SLC15A5: variants seen among roughly 807,000 people sequenced by gnomAD.
The protein encoded by SLC15A5 is Peptide/histidine transporter ENSP00000340402.
SLC15A5 carries 58 observed loss-of-function variants against 56.1 expected under a neutral mutation model. The ratio of observed to expected loss-of-function variants is 1.03; its 90% CI spans 0.84 to 1.29. The LOEUF (loss-of-function observed/expected upper bound fraction) is 1.29. Ranked by LOEUF, SLC15A5 falls within the 50% of genes most tolerant of loss-of-function variation. The pLI, the probability that SLC15A5 is intolerant of heterozygous loss-of-function variation, is 0.00. For missense variants in SLC15A5, 681 were observed against 672.1 expected (o/e 1.01, Z -0.15); for synonymous variants, 264 against 250.5 (o/e 1.05, Z -0.51).
At chr12:16,218,651 C>A (rs1366388827) in intron 6 of SLC15A5, among the ~76,000 whole-genome samples, 2 of 152,098 alleles carry the variant, frequency 1.3e-5, no homozygotes, top group Non-Finnish European at 2.9e-5. Context: ...TATCTAAACA[C>A]AGAAATAGTA....
intron 6 of SLC15A5, 43 bp downstream of exon 6, chr12:16,224,371 G>T: frequency 6.6e-7 from 1 of 1,516,762 alleles, no homozygotes. Context: ...TCTGTGTAAA[G>T]GTTCAGTATG....
intron 4 of SLC15A5, 63 bp downstream of exon 4, chr12:16,244,517 C>T: frequency 7.0e-7 from 1 of 1,426,958 alleles, no homozygotes; most frequent in Non-Finnish European, 9.5e-7. Context: ...TTCACCTTGA[C>T]TTGCACTGTT....
chr12:16,218,805 T>C (rs1395539733), intron 6 of SLC15A5, among the ~76,000 whole-genome samples: 1 of 152,188 alleles, frequency 6.6e-6, no homozygotes, highest in Non-Finnish European at 1.5e-5. Context: ...AGAGATCTTA[T>C]TATCTCTTCC....
chr12:16,272,087 T>G (rs1411908370), intron 2 of SLC15A5, among the ~76,000 whole-genome samples: 1 of 152,156 alleles, frequency 6.6e-6, no homozygotes, highest in East Asian at 1.9e-4. Flanking sequence ...ACAGCTACCA[T>G]TTTTTGATCA....
rs1346698436 is a variant in SLC15A5, at chr12:16,237,497, AT to A, written c.1162+2183del. Among the ~76,000 whole-genome samples, 2 of 152,160 alleles carry A rather than the reference AT, an allele frequency of 1.3e-5. No individual in the cohort carries two copies. Among genetic ancestry groups the A allele is most frequent in the Non-Finnish European group, 2.9e-5 (2 of 68,024 alleles). ...CTTGTTACCAATCTTGAAGGGGAAT[AT>A]TTAATTCATTAACAACATCAAACAA... On this transcript the variant is annotated intron_variant, in intron 5 of 8. Transcript: ENST00000344941. The surrounding 1 kb of genome is among the most constrained non-coding windows in gnomAD (Gnocchi z 4.1).
intron 7 of SLC15A5, among the ~76,000 whole-genome samples, chr12:16,213,026 C>G (rs1366496135): frequency 6.6e-6 from 1 of 151,310 alleles, no homozygotes; most frequent in Admixed American, 6.6e-5. Context: ...TGTTGGCATT[C>G]AGAGAGAGAG....
At chr12:16,242,453 C>T (rs556728623) in intron 4 of SLC15A5, among the ~76,000 whole-genome samples, 1 of 151,944 alleles carries the variant, frequency 6.6e-6, no homozygotes, top group African/African-American at 2.4e-5. Flanking sequence ...GTTGCTCTGC[C>T]ACACATTAGC....
intron 7 of SLC15A5, among the ~76,000 whole-genome samples, chr12:16,214,358 C>G (rs1346846243): frequency 1.3e-5 from 2 of 152,072 alleles, no homozygotes; most frequent in East Asian, 3.9e-4. Context: ...ACCCTCAGTC[C>G]CCACCTGATA....
At position 16,196,384 on chromosome 12, in the gene SLC15A5, G is replaced by A. The variant is rs1311807108; in HGVS notation, c.1484-1931C>T. On this transcript the variant is annotated intron_variant, in intron 7 of 8. Coordinates refer to ENST00000344941, the MANE Select transcript of SLC15A5 (RefSeq NM_001170798.1). This position sits in a 1 kb window ranked among gnomAD's most constrained non-coding sequence, Gnocchi z 4.0. Reference sequence around the variant, plus strand: ...TTGATGTGTATATGTGTGCTTTTGTGTGTGTGCATGTGTGTGTGTGTGCCC... The same window carrying A: ...TTGATGTGTATATGTGTGCTTTTGTATGTGTGCATGTGTGTGTGTGTGCCC... 6.6e-6 allele frequency among the ~76,000 whole-genome samples: 1 copy of A among 152,014 alleles called. No homozygotes were observed. The highest frequency in any genetic ancestry group is 1.5e-5 in the Non-Finnish European group (1 of 67,990).
Position 16,271,130 on chromosome 12 carries a change from C to T in SLC15A5, c.584+1431G>A, listed in dbSNP as rs530331197. 6.6e-6 allele frequency among the ~76,000 whole-genome samples: 1 copy of T among 152,282 alleles called. No homozygotes were observed. On this transcript the variant is annotated intron_variant, in intron 2 of 8. Coordinates refer to ENST00000344941, the MANE Select transcript of SLC15A5 (RefSeq NM_001170798.1). This position sits in a 1 kb window ranked among gnomAD's most constrained non-coding sequence, Gnocchi z 8.0. ...TCATTTTCACCCCATTCCCCATCCC[C>T]CTTCCTGAAGCCCTAAAGCACACAC...
intron 7 of SLC15A5, among the ~76,000 whole-genome samples, chr12:16,201,665 A>T (rs1229360077): frequency 6.6e-6 from 1 of 151,988 alleles, no homozygotes; most frequent in Non-Finnish European, 1.5e-5. Flanking sequence ...TTCCCCCTTC[A>T]CTCAGTATTC....
intron 5 of SLC15A5, among the ~76,000 whole-genome samples, chr12:16,226,061 A>T (rs1864238249): frequency 6.6e-6 from 1 of 152,186 alleles, no homozygotes; most frequent in Non-Finnish European, 1.5e-5. Context: ...GACAACTGAT[A>T]TCTGCTGGGG....
At position 16,235,661 on chromosome 12, in the gene SLC15A5, G is replaced by GAAGTAAACTT. The variant is rs1864346244; in HGVS notation, c.1162+4019_1162+4020insAAGTTTACTT. Among the ~76,000 whole-genome samples, 1 of 152,048 alleles carries GAAGTAAACTT rather than the reference G, an allele frequency of 6.6e-6. No homozygotes were observed. Among genetic ancestry groups the GAAGTAAACTT allele is most frequent in the Admixed American group, 6.6e-5 (1 of 15,248 alleles). On this transcript the variant is annotated intron_variant, in intron 5 of 8. Coordinates refer to ENST00000344941, the MANE Select transcript of SLC15A5 (RefSeq NM_001170798.1). This position sits in a 1 kb window ranked among gnomAD's most constrained non-coding sequence, Gnocchi z 4.1. ...CAATTCATGGTTTACTTCTTTTGGT[G>GAAGTAAACTT]TTTACGCAGTTCCTCCTATCAAGTA...
intron 7 of SLC15A5, among the ~76,000 whole-genome samples, chr12:16,209,397 C>T (rs1864056554): frequency 6.6e-6 from 1 of 152,020 alleles, no homozygotes; most frequent in African/African-American, 2.4e-5. Flanking sequence ...TCCTTTTTCT[C>T]CTCATTCTTA....
chr12:16,223,005 T>C (rs1191320774), intron 6 of SLC15A5, among the ~76,000 whole-genome samples: 1 of 152,036 alleles, frequency 6.6e-6, no homozygotes, highest in East Asian at 1.9e-4. Flanking sequence ...GCAAAATATA[T>C]GGGATGAAAT....
At position 16,271,153 on chromosome 12, in the gene SLC15A5, C is replaced by T. The variant is rs189218657; in HGVS notation, c.584+1408G>A. 6.6e-6 allele frequency among the ~76,000 whole-genome samples: 1 copy of T among 152,272 alleles called. No homozygotes were observed. The highest frequency in any genetic ancestry group is 2.1e-4 in the South Asian group (1 of 4,814). On this transcript the variant is annotated intron_variant, in intron 2 of 8. Transcript: ENST00000344941. The surrounding 1 kb of genome is among the most constrained non-coding windows in gnomAD (Gnocchi z 8.0). Reference sequence around the variant, plus strand: ...CCCCTTCCTGAAGCCCTAAAGCACACACCCAGTGGGAGTCCCCTCTGTTTC... The same window carrying T: ...CCCCTTCCTGAAGCCCTAAAGCACATACCCAGTGGGAGTCCCCTCTGTTTC...
chr12:16,277,424 C>G lies in SLC15A5; in HGVS notation c.262G>C (p.Gly88Arg). 6.5e-7 allele frequency: 1 copy of G among 1,536,394 alleles called. No individual in the cohort carries two copies. The highest frequency in any genetic ancestry group is 8.7e-7 in the Non-Finnish European group (1 of 1,146,378). ...AACACAGGGGTAAGTATTGAAGTTC[C>G]AATAAAACACAAGTTTAAGATGGCT... is the stretch of plus-strand genomic sequence containing the variant. ...QAAILNLCFI[G>R]TSILTPVFVR... The change falls in exon 1 of 9, where the codon GGA (glycine) becomes CGA (arginine). Residue 88 changes from glycine (G) to arginine (R), a missense_variant. Coordinates refer to ENST00000344941, the MANE Select transcript of SLC15A5 (RefSeq NM_001170798.1).
chr12:16,194,054 G>A (rs185434518), intron 8 of SLC15A5, among the ~76,000 whole-genome samples: 22 of 152,078 alleles, frequency 1.4e-4, no homozygotes, highest in East Asian at 7.8e-4. Context: ...TGATTCACTC[G>A]TTCTTATTAT....
At chr12:16,214,143 T>C (rs1415588419) in intron 7 of SLC15A5, among the ~76,000 whole-genome samples, 1 of 152,194 alleles carries the variant, frequency 6.6e-6, no homozygotes, top group Non-Finnish European at 1.5e-5. Flanking sequence ...AGAATAATAA[T>C]GTAAGGTTGT....
Sources: allele counts gnomAD v4.1 joint callset (sites outside exome capture counted in the v4.1 genomes callset), GRCh38; gene constraint gnomAD v4.1.1; non-coding constraint Gnocchi (gnomAD v3.1); transcripts MANE v1.5; gene names NCBI Gene and HGNC (gene_info 2026-07-23, HGNC 2026-07-21).